The following BPIFA3 variants were observed in gnomAD, a reference collection of about 807,000 sequenced individuals.
BPIFA3 encodes the protein BPI fold-containing family A member 3.
Under a neutral mutation model 29.7 loss-of-function variants are expected in BPIFA3, and 32 were observed. That is an observed-to-expected ratio of 1.08 (90% CI 0.81 to 1.45). The LOEUF (loss-of-function observed/expected upper bound fraction) is 1.45, where lower values mean the gene tolerates loss of function less well. BPIFA3 is among the 40% of genes most tolerant of loss of function. The probability of loss-of-function intolerance (pLI) is 0.00; values close to 1 mark genes in which losing one functional copy is unlikely to be tolerated. For synonymous variants in BPIFA3, 112 were observed against 113.7 expected, an observed-to-expected ratio of 0.98 and a Z score of 0.10; for missense variants, 323 against 311.3, an observed-to-expected ratio of 1.04 and a Z score of -0.28.
chr20:33,221,001 A>G (rs944164754), intron 1 of BPIFA3, among the ~76,000 whole-genome samples: 3 of 152,164 alleles, frequency 2.0e-5, no homozygotes, highest in Non-Finnish European at 4.4e-5. Context: ...ATAAGTCAGT[A>G]TTGACCTTTA....
chr20:33,225,428 T>C, intron 4 of BPIFA3, 181 bp downstream of exon 4: 1 of 765,174 alleles, frequency 1.3e-6, no homozygotes, highest in Non-Finnish European at 2.0e-6. Flanking sequence ...GAAGCCAGAC[T>C]CTTCTCCCTC....
At chr20:33,225,755 C>T (rs1427977087) in intron 4 of BPIFA3, 1 of 163,812 alleles carries the variant, frequency 6.1e-6, no homozygotes, top group East Asian at 1.8e-4. Flanking sequence ...AACTTTTCAG[C>T]CCTTTGTCCT....
chr20:33,227,384 A>G (rs1339071454), intron 6 of BPIFA3, among the ~76,000 whole-genome samples, 154 bp from the exon 7 acceptor site: 1 of 152,220 alleles, frequency 6.6e-6, no homozygotes, highest in African/African-American at 2.4e-5. Context: ...GAAGACACCA[A>G]GAAGCAAACA....
chr20:33,223,979 A>T lies in BPIFA3; in HGVS notation c.278+18A>T. 6.2e-7 allele frequency: 1 copy of T among 1,612,478 alleles called. No individual in the cohort carries two copies. Among genetic ancestry groups the T allele is most frequent in the Non-Finnish European group, 8.5e-7 (1 of 1,179,190 alleles). On this transcript the variant is annotated intron_variant, in intron 2 of 6. Transcript: ENST00000375454. ...GAGAGCAGGTGAGACCCTGAGTTCT[A>T]TCCGTGGCCCTGGAACTCTTTATAG...
intron 5 of BPIFA3, 165 bp from the exon 6 acceptor site, chr20:33,226,765 T>A: frequency 1.4e-6 from 1 of 710,912 alleles, no homozygotes; most frequent in Non-Finnish European, 2.4e-6. Flanking sequence ...GTCGAAGTGT[T>A]GTGCATGACA....
chr20:33,226,576 T>A, intron 5 of BPIFA3, 86 bp downstream of exon 5: 2 of 916,294 alleles, frequency 2.2e-6, no homozygotes, highest in Non-Finnish European at 3.4e-6. Flanking sequence ...GCAAAGGATT[T>A]CAAACATTGG....
intron 3 of BPIFA3, 98 bp from the exon 4 acceptor site, chr20:33,225,000 C>A: frequency 8.7e-7 from 1 of 1,145,684 alleles, no homozygotes; most frequent in South Asian, 1.4e-5. Context: ...AGGGGAAGCC[C>A]TAACGGTGGA....
chr20:33,223,133 G>A (rs939004866), intron 1 of BPIFA3, among the ~76,000 whole-genome samples: 2 of 152,176 alleles, frequency 1.3e-5, no homozygotes, highest in Non-Finnish European at 2.9e-5. Context: ...CAACTCCAAG[G>A]TGCTGTCTTG....
chr20:33,225,647 A>G, intron 4 of BPIFA3: 1 of 184,668 alleles, frequency 5.4e-6, no homozygotes, highest in Non-Finnish European at 1.1e-5. Context: ...GGCCATGCCC[A>G]AGCCCCTGCT....
At position 33,217,957 on chromosome 20, in the gene BPIFA3, C is replaced by T. The variant is rs191047238; in HGVS notation, c.127+294C>T. Among the ~76,000 whole-genome samples, 34 of 152,332 alleles carry T rather than the reference C, an allele frequency of 2.2e-4. No individual in the cohort carries two copies. The East Asian group carries it at 6.2e-3, about 28-fold the overall frequency. On this transcript the variant is annotated intron_variant, in intron 1 of 6. Transcript: ENST00000375454. ...CCTACTGCCTTGGCAGGCATTGCAG[C>T]GTGTTTAATGGATGTACTTAAATAT...
chr20:33,221,632 TAA>T (rs1985520893), intron 1 of BPIFA3, among the ~76,000 whole-genome samples: 1 of 152,024 alleles, frequency 6.6e-6, no homozygotes, highest in African/African-American at 2.4e-5. Flanking sequence ...TATCTCTTTA[TAA>T]AAGTTTGATA....
rs746020069 is a variant in BPIFA3 at position 33,226,446 on chromosome 20, A to C, written c.577A>C (p.Lys193Gln). 5.0e-6 allele frequency: 8 copies of C among 1,611,000 alleles called. No individual in the cohort carries two copies. Among genetic ancestry groups the C allele is most frequent in the Admixed American group, 1.7e-5 (1 of 59,120 alleles). The change falls in exon 5 of 7, where the codon AAA (lysine) becomes CAA (glutamine). Residue 193 changes from lysine to glutamine, a missense_variant. By Grantham distance (53) the Lys-to-Gln change is moderately conservative. Coordinates refer to ENST00000375454, the MANE Select transcript of BPIFA3 (RefSeq NM_178466.5). Reference sequence around the variant, plus strand: ...GATGAATCAGTTTCTCTACAACCTCAAAGAGAATCTGCAAAAAGTTCTCCC... The same window carrying C: ...GATGAATCAGTTTCTCTACAACCTCCAAGAGAATCTGCAAAAAGTTCTCCC... Reference protein sequence around the residue: ...PKMNQFLYNLKENLQKVLPHM... With the variant: ...PKMNQFLYNLQENLQKVLPHM...
Position 33,219,316 on chromosome 20 carries a change from C to T in BPIFA3, c.127+1653C>T, listed in dbSNP as rs115177671. Among the ~76,000 whole-genome samples, 588 of 152,196 alleles carry T rather than the reference C, an allele frequency of 3.9e-3. 5 individuals carry two copies. The highest frequency in any genetic ancestry group is 0.014 in the African/African-American group (572 of 41,524). ...TGAAGAGACATTACTTAATTCTTGA[C>T]ATTAGCCCTTTGTCAGATTTATGCA... is the stretch of plus-strand genomic sequence containing the variant. On this transcript the variant is annotated intron_variant, in intron 1 of 6. Transcript: ENST00000375454.
chr20:33,226,372 C>A, intron 4 of BPIFA3, 34 bp from the exon 5 acceptor site: 4 of 1,480,278 alleles, frequency 2.7e-6, no homozygotes, highest in South Asian at 1.1e-5. Context: ...CTGGATTGCT[C>A]TGTTCTGTTC....
intron 4 of BPIFA3, 191 bp from the exon 5 acceptor site, chr20:33,226,215 C>A: frequency 3.6e-6 from 2 of 551,518 alleles, no homozygotes; most frequent in Non-Finnish European, 3.2e-6. Flanking sequence ...CTAATATAAC[C>A]AGCACTTATT....
At position 33,225,145 on chromosome 20, in the gene BPIFA3, T is replaced by C; in HGVS notation, c.434T>C (p.Val145Ala). ...AAGATGTGTGCACATATGAGCATCG[T>C]TGTGGAGTTCTGGCTGGAGAAAGAC... ...IVKMCAHMSIVVEFWLEKDEF... is the reference protein window; with the variant it reads ...IVKMCAHMSIAVEFWLEKDEF... Residue 145 changes from valine (V) to alanine (A), a missense_variant, in exon 4 of 7, where the codon GTT becomes GCT. By Grantham distance (64) the Val-to-Ala change is moderately conservative. Transcript: ENST00000375454. The C allele has an allele frequency of 6.2e-7, 1 of 1,614,184 alleles. No individual in the cohort carries two copies. The highest frequency in any genetic ancestry group is 1.1e-5 in the South Asian group (1 of 91,082).
At position 33,225,777 on chromosome 20, in the gene BPIFA3, C is replaced by T. The variant is rs6057772; in HGVS notation, c.536+530C>T. ...CAGCCCTTTGTCCTCCACCACACAC[C>T]GTACATTTTCACACCACTGTGCCTT... On this transcript the variant is annotated intron_variant, in intron 4 of 6. Coordinates refer to ENST00000375454, the MANE Select transcript of BPIFA3 (RefSeq NM_178466.5). The T allele has an allele frequency of 5.5e-4, 88 of 161,146 alleles. 3 individuals carry two copies. The highest frequency in any genetic ancestry group is 2.2e-4 in the African/African-American group (9 of 41,686). 10.0% of individuals were successfully genotyped at this position (161,146 alleles called of 1,614,324 possible). A position where few individuals can be genotyped will look rare whatever the true frequency, so the allele number is the denominator to read the frequency against.
At chr20:33,220,120 C>T (rs1050214590) in intron 1 of BPIFA3, among the ~76,000 whole-genome samples, 8 of 145,848 alleles carry the variant, frequency 5.5e-5, no homozygotes, top group Admixed American at 4.1e-4. Context: ...AAAATCAGGG[C>T]GGGCGCAGTG....
At chr20:33,219,866 G>A (rs1023726572) in intron 1 of BPIFA3, among the ~76,000 whole-genome samples, 1 of 152,158 alleles carries the variant, frequency 6.6e-6, no homozygotes, top group South Asian at 2.1e-4. Context: ...AGAGGCTGAG[G>A]TGGGAAATCG....
Sources: allele counts gnomAD v4.1 joint callset (sites outside exome capture counted in the v4.1 genomes callset), GRCh38; gene constraint gnomAD v4.1.1; transcripts MANE v1.5; gene names NCBI Gene and HGNC (gene_info 2026-07-23, HGNC 2026-07-21).